Variants in KCNK13 observed in about 807,000 individuals in gnomAD.
KCNK13 encodes potassium two pore domain channel subfamily K member 13, also known as potassium channel subfamily K member 13.
Under a neutral mutation model 23.4 loss-of-function variants are expected in KCNK13, and 12 were observed. That is an observed-to-expected ratio of 0.51 (90% CI 0.33 to 0.83). KCNK13 has a LOEUF of 0.83. KCNK13 is among the 40% of genes least tolerant of loss of function. The probability of loss-of-function intolerance (pLI) is 0.02; values close to 1 mark genes in which losing one functional copy is unlikely to be tolerated. For missense variants in KCNK13, 463 were observed against 556.3 expected (o/e 0.83, Z 1.69); for synonymous variants, 231 against 229.5 (o/e 1.01, Z -0.06).
At chr14:90,067,066 C>G (rs1167620613) in intron 1 of KCNK13, among the ~76,000 whole-genome samples, 1 of 152,172 alleles carries the variant, frequency 6.6e-6, no homozygotes, top group Non-Finnish European at 1.5e-5. Context: ...GTCAGGAGTT[C>G]GAGACCAGCC....
At position 90,078,015 on chromosome 14, in the gene KCNK13, A is replaced by G. The variant is rs183999026; in HGVS notation, c.334+15476A>G. Among the ~76,000 whole-genome samples the G allele has an allele frequency of 8.7e-4, 132 of 152,304 alleles. 1 individual carries two copies. The East Asian group carries it at 0.019, about 22-fold the overall frequency. ...TGATCCTTTTGGCTCCAGATGTTAC[A>G]TATCTGATATTTGGAATAGAGACAC... is the stretch of plus-strand genomic sequence containing the variant. On this transcript the variant is annotated intron_variant, in intron 1 of 1. Coordinates refer to ENST00000282146, the MANE Select transcript of KCNK13 (RefSeq NM_022054.4).
chr14:90,138,940 C>A (rs753902957), intron 1 of KCNK13, among the ~76,000 whole-genome samples: 7 of 152,092 alleles, frequency 4.6e-5, no homozygotes, highest in African/African-American at 7.2e-5. Flanking sequence ...AAAAACACAT[C>A]GAGGCAGGCA....
At chr14:90,076,152 C>T (rs1417920532) in intron 1 of KCNK13, among the ~76,000 whole-genome samples, 1 of 152,224 alleles carries the variant, frequency 6.6e-6, no homozygotes, top group Non-Finnish European at 1.5e-5. Flanking sequence ...TGTAGTACTG[C>T]TTCTTCAAAA....
Position 90,062,476 on chromosome 14 carries a change from G to A in KCNK13, c.271G>A (p.Val91Ile), listed in dbSNP as rs757164187. The A allele has an allele frequency of 3.9e-6, 6 of 1,543,184 alleles. No homozygotes were observed. Among genetic ancestry groups the A allele is most frequent in the Non-Finnish European group, 5.2e-6 (6 of 1,145,002 alleles). ...ATRAGIRVDNVRPRWDFTGAF... is the reference protein window; with the variant it reads ...ATRAGIRVDNIRPRWDFTGAF... ...TCGGGCCGGCATCCGCGTGGACAAC[G>A]TCCGCCCGCGCTGGGACTTCACCGG... The change falls in exon 1 of 2, where the codon GTC becomes ATC. Residue 91 changes from valine to isoleucine, a missense_variant. By Grantham distance (29) the Val-to-Ile change is conservative (BLOSUM62 3). Transcript: ENST00000282146. The surrounding 1 kb of genome is among the most constrained non-coding windows in gnomAD (Gnocchi z 4.5).
At chr14:90,153,513 A>G (rs1890159722) in intron 1 of KCNK13, among the ~76,000 whole-genome samples, 1 of 152,224 alleles carries the variant, frequency 6.6e-6, no homozygotes, top group Non-Finnish European at 1.5e-5. Flanking sequence ...TATCATCACC[A>G]TAGTTTACTT....
At chr14:90,072,584 G>C (rs908673881) in intron 1 of KCNK13, among the ~76,000 whole-genome samples, 3 of 152,198 alleles carry the variant, frequency 2.0e-5, no homozygotes, top group Non-Finnish European at 4.4e-5. Flanking sequence ...AGCAGAGCTT[G>C]CTTTTTATAG....
chr14:90,128,528 C>G (rs981461954), intron 1 of KCNK13, among the ~76,000 whole-genome samples: 6 of 152,084 alleles, frequency 3.9e-5, no homozygotes, highest in Admixed American at 2.0e-4. Flanking sequence ...ATATCCCAAA[C>G]AAGCATAGCG....
intron 1 of KCNK13, among the ~76,000 whole-genome samples, chr14:90,110,839 TCTCTACTAAAAATACAAA>T (rs1359416127): frequency 2.0e-5 from 3 of 151,882 alleles, no homozygotes; most frequent in African/African-American, 7.3e-5. Context: ...TGAAACCCCG[TCTCTACTAAAAATACAAA>T]AATTAGCTGG....
chr14:90,182,187 C>T (rs1890495402), intron 1 of KCNK13, among the ~76,000 whole-genome samples: 1 of 152,188 alleles, frequency 6.6e-6, no homozygotes, highest in Non-Finnish European at 1.5e-5. Context: ...TGACTACATG[C>T]TGTTAATTTC....
chr14:90,074,896 C>G (rs1204123091), intron 1 of KCNK13, among the ~76,000 whole-genome samples: 2 of 152,160 alleles, frequency 1.3e-5, no homozygotes, highest in Non-Finnish European at 2.9e-5. Context: ...GCTTTCTATG[C>G]TAATACCTAT....
At chr14:90,096,818 T>G (rs1372744825) in intron 1 of KCNK13, among the ~76,000 whole-genome samples, 3 of 152,222 alleles carry the variant, frequency 2.0e-5, no homozygotes, top group African/African-American at 4.8e-5. Flanking sequence ...GCTTTCTGCT[T>G]CTTCTCATTC....
At chr14:90,115,391 G>A (rs974487097) in intron 1 of KCNK13, among the ~76,000 whole-genome samples, 1 of 152,156 alleles carries the variant, frequency 6.6e-6, no homozygotes, top group African/African-American at 2.4e-5. Flanking sequence ...ATTCAGAACC[G>A]GGGGATCCCC....
chr14:90,103,720 C>G (rs951416217), intron 1 of KCNK13, among the ~76,000 whole-genome samples: 36 of 152,046 alleles, frequency 2.4e-4, no homozygotes, highest in Non-Finnish European at 4.7e-4. Context: ...CCACTACCTT[C>G]CCCGGCTAAT....
chr14:90,159,621 C>T (rs1890230604), intron 1 of KCNK13, among the ~76,000 whole-genome samples: 1 of 152,216 alleles, frequency 6.6e-6, no homozygotes, highest in Admixed American at 6.5e-5. Context: ...AGATGTCAAT[C>T]ACAGCCTCCC....
chr14:90,075,640 G>A (rs919328424), intron 1 of KCNK13, among the ~76,000 whole-genome samples: 3 of 151,944 alleles, frequency 2.0e-5, no homozygotes, highest in African/African-American at 4.8e-5. Flanking sequence ...CACCATGCTC[G>A]GCTAATTTTT....
At chr14:90,157,541 A>G (rs1890207357) in intron 1 of KCNK13, among the ~76,000 whole-genome samples, 1 of 151,918 alleles carries the variant, frequency 6.6e-6, no homozygotes, top group Non-Finnish European at 1.5e-5. Flanking sequence ...GACTGCAGGC[A>G]TGTGGCACCA....
chr14:90,182,839 AAG>A (rs1229339136), intron 1 of KCNK13, among the ~76,000 whole-genome samples: 2 of 151,620 alleles, frequency 1.3e-5, no homozygotes, highest in African/African-American at 4.8e-5. Context: ...AAAAAAAAAA[AAG>A]AGAGAGGTTT....
At chr14:90,180,236 G>A (rs1213708221) in intron 1 of KCNK13, among the ~76,000 whole-genome samples, 1 of 152,202 alleles carries the variant, frequency 6.6e-6, no homozygotes, top group Non-Finnish European at 1.5e-5. Flanking sequence ...CAGTGTGGGT[G>A]TGAGGAGTTG....
rs75800182 is a variant in KCNK13, at chr14:90,073,163, C to G, written c.334+10624C>G. ...CAGTTAAAGTGACCACGTGTGGTCT[C>G]TTTTACAGTGTGGTGGCCCTTAGGT... On this transcript the variant is annotated intron_variant, in intron 1 of 1. Transcript: ENST00000282146. Among the ~76,000 whole-genome samples, 5 of 152,258 alleles carry G rather than the reference C, an allele frequency of 3.3e-5. No homozygotes were observed. The East Asian group carries it at 9.7e-4, about 29-fold the overall frequency.
Sources: allele counts gnomAD v4.1 joint callset (sites outside exome capture counted in the v4.1 genomes callset), GRCh38; gene constraint gnomAD v4.1.1; non-coding constraint Gnocchi (gnomAD v3.1); transcripts MANE v1.5; gene names NCBI Gene and HGNC (gene_info 2026-07-23, HGNC 2026-07-21).